Variants in ZMYM1 observed in about 807,000 individuals in gnomAD.
ZMYM1 encodes the protein zinc finger MYM-type protein 1.
ZMYM1 carries 39 observed loss-of-function variants against 60.0 expected under a neutral mutation model. The ratio of observed to expected loss-of-function variants is 0.65; its 90% CI spans 0.50 to 0.85. ZMYM1 has a LOEUF of 0.85. ZMYM1 is among the 40% of genes least tolerant of loss of function. The pLI is 0.00. For synonymous variants in ZMYM1, 413 were observed against 454.0 expected (o/e 0.91, Z 1.15); for missense variants, 1,171 against 1,309.5 (o/e 0.89, Z 1.63).
chr1:35,091,298 C>A (rs1334807821), intron 1 of ZMYM1, among the ~76,000 whole-genome samples: 1 of 151,684 alleles, frequency 6.6e-6, no homozygotes. Context: ...CTGCAAGCTC[C>A]GTCTCCCGGG....
downstream of ZMYM1, among the ~76,000 whole-genome samples, chr1:35,116,274 T>G (rs1644247951): frequency 6.6e-6 from 1 of 152,132 alleles, no homozygotes; most frequent in South Asian, 2.1e-4. Flanking sequence ...TATCTGTTTA[T>G]TTGTTTGAGC....
chr1:35,064,529 A>T (rs999599124), intron 1 of ZMYM1, among the ~76,000 whole-genome samples: 2 of 151,956 alleles, frequency 1.3e-5, no homozygotes, highest in Non-Finnish European at 2.9e-5. Context: ...AGGAACATTT[A>T]CCGAAATAGA....
intron 1 of ZMYM1, among the ~76,000 whole-genome samples, chr1:35,081,027 T>A (rs1215451059): frequency 6.6e-6 from 1 of 151,942 alleles, no homozygotes; most frequent in Non-Finnish European, 1.5e-5. Context: ...CACTGCAACC[T>A]CCACCTCCAG....
chr1:35,096,208 AG>A (rs1643307199), intron 3 of ZMYM1, among the ~76,000 whole-genome samples: 1 of 151,856 alleles, frequency 6.6e-6, no homozygotes, highest in Admixed American at 6.6e-5. Context: ...GCTACTCAGG[AG>A]GCTGAGGCAG....
intron 4 of ZMYM1, among the ~76,000 whole-genome samples, chr1:35,099,464 A>T (rs1643521242): frequency 1.3e-5 from 2 of 152,176 alleles, no homozygotes; most frequent in Admixed American, 1.3e-4. Flanking sequence ...TCTCCTAGGC[A>T]TGGAAATCCA....
intron 1 of ZMYM1, among the ~76,000 whole-genome samples, chr1:35,073,365 G>GGAAGGAAGGAAGGAAGGAAGGAAA (rs1557626645): frequency 6.2e-5 from 9 of 145,906 alleles, no homozygotes; most frequent in African/African-American, 2.3e-4. Flanking sequence ...AAGGAAGGAA[G>GGAAGGAAGGAAGGAAGGAAGGAAA]GAAGGAAGGA....
chr1:35,080,304 A>G (rs533010296), intron 1 of ZMYM1, among the ~76,000 whole-genome samples: 1 of 137,368 alleles, frequency 7.3e-6, no homozygotes, highest in Admixed American at 7.3e-5. Flanking sequence ...GTTCCCATAT[A>G]TTTGTGCTTC....
intron 7 of ZMYM1, among the ~76,000 whole-genome samples, chr1:35,111,379 C>T (rs540079951): frequency 3.9e-5 from 6 of 152,116 alleles, no homozygotes; most frequent in Admixed American, 1.3e-4. Flanking sequence ...ACCAACCTAG[C>T]GCTCCATTGA....
At chr1:35,086,624 A>T (rs1642668310) in intron 1 of ZMYM1, among the ~76,000 whole-genome samples, 1 of 151,938 alleles carries the variant, frequency 6.6e-6, no homozygotes, top group South Asian at 2.1e-4. Context: ...TCCTTTCATT[A>T]TTGTAACTGC....
intron 3 of ZMYM1, among the ~76,000 whole-genome samples, chr1:35,096,873 T>C (rs1643361783): frequency 6.6e-6 from 1 of 152,174 alleles, no homozygotes; most frequent in South Asian, 2.1e-4. Context: ...CTAATTTTTA[T>C]AGTAGAGACG....
Position 35,112,128 on chromosome 1 carries a change from G to A in ZMYM1, c.1144G>A (p.Asp382Asn). Residue 382 changes from aspartate (D) to asparagine (N), a missense_variant and splice_region_variant, in exon 9 of 10, where the codon GAT (aspartate) becomes AAT (asparagine). Coordinates refer to ENST00000359858, the MANE Select transcript of ZMYM1 (RefSeq NM_024772.5). ...AACAGCAACAGCAGATGTCATTGTG[G>A]ATGTAAGTTTTAACTTTTTTTACCA... ...SVTATADVIVDLSKSSPSEPS... is the reference protein window; with the variant it reads ...SVTATADVIVNLSKSSPSEPS... 6.2e-7 allele frequency: 1 copy of A among 1,613,118 alleles called. No individual in the cohort carries two copies. Among genetic ancestry groups the A allele is most frequent in the Non-Finnish European group, 8.5e-7 (1 of 1,179,588 alleles).
At position 35,113,184 on chromosome 1, in the gene ZMYM1, A is replaced by T. The variant is rs1426599312; in HGVS notation, c.1354A>T (p.Lys452Ter). ...CTSKVQKVKG[K>*]SRSIKKSCCA... ...ATCCAAAGTACAAAAAGTTAAAGGT[A>T]AATCACGAAGTATTAAAAAATCTTG... Residue 452 changes from lysine (K) to a stop codon, truncating the protein, a stop_gained, in exon 10 of 10, where the codon AAA becomes TAA. Coordinates refer to ENST00000359858, the MANE Select transcript of ZMYM1 (RefSeq NM_024772.5). LOFTEE classifies it low-confidence loss of function (END_TRUNC). 6.2e-7 allele frequency: 1 copy of T among 1,613,686 alleles called. No homozygotes were observed. The highest frequency in any genetic ancestry group is 8.5e-7 in the Non-Finnish European group (1 of 1,179,728).
intron 8 of ZMYM1, 83 bp from the exon 9 acceptor site, chr1:35,112,004 T>C: frequency 1.9e-6 from 3 of 1,551,008 alleles, no homozygotes; most frequent in South Asian, 1.2e-5. Flanking sequence ...TTGTTTCTTA[T>C]ATGAAATAAG....
intron 4 of ZMYM1, among the ~76,000 whole-genome samples, chr1:35,102,624 T>A (rs747786833): frequency 1.3e-5 from 2 of 152,242 alleles, no homozygotes; most frequent in Non-Finnish European, 2.9e-5. Context: ...CTCATTTTTT[T>A]CATTTTCAAG....
At chr1:35,112,193 G>T in intron 9 of ZMYM1, 63 bp downstream of exon 9, 1 of 1,553,620 alleles carries the variant, frequency 6.4e-7, no homozygotes, top group South Asian at 1.1e-5. Context: ...TGTTGTTGTT[G>T]TTGAGACAGA....
At chr1:35,073,209 C>T (rs556487064) in intron 1 of ZMYM1, among the ~76,000 whole-genome samples, 75 of 125,684 alleles carry the variant, frequency 6.0e-4, no homozygotes, top group African/African-American at 2.2e-3. Flanking sequence ...GCTGAGATCA[C>T]GTCACTGCAC....
At chr1:35,090,422 C>G (rs1642933963) in intron 1 of ZMYM1, among the ~76,000 whole-genome samples, 1 of 152,114 alleles carries the variant, frequency 6.6e-6, no homozygotes, top group Non-Finnish European at 1.5e-5. Flanking sequence ...GCATTAGAAG[C>G]TATACCTAAT....
chr1:35,070,296 C>G (rs1328623620), intron 1 of ZMYM1, among the ~76,000 whole-genome samples: 2 of 152,020 alleles, frequency 1.3e-5, no homozygotes, highest in African/African-American at 4.8e-5. Flanking sequence ...ATGTAGAGAT[C>G]TTTCACCACC....
chr1:35,115,429 CT>C lies in ZMYM1; in HGVS notation c.*171del. 1.4e-6 allele frequency: 1 copy of C among 713,418 alleles called. No homozygotes were observed. The highest frequency in any genetic ancestry group is 2.2e-6 in the Non-Finnish European group (1 of 464,594). The allele number at this position is 713,418 out of a possible 1,614,324, so 44.2% of individuals were successfully genotyped here. A position where few individuals can be genotyped will look rare whatever the true frequency, so the allele number is the denominator to read the frequency against. Reference sequence around the variant, plus strand: ...AGTGTTATCTTTTCCTTAAATATCCCTCTAGAGGTATTTTTCCTAAGTGGTA... The same window carrying C: ...AGTGTTATCTTTTCCTTAAATATCCCCTAGAGGTATTTTTCCTAAGTGGTA... On this transcript the variant is annotated 3_prime_UTR_variant, in exon 10 of 10. Coordinates refer to ENST00000359858, the MANE Select transcript of ZMYM1 (RefSeq NM_024772.5).
Sources: allele counts gnomAD v4.1 joint callset (sites outside exome capture counted in the v4.1 genomes callset), GRCh38; gene constraint gnomAD v4.1.1; transcripts MANE v1.5; gene names NCBI Gene and HGNC (gene_info 2026-07-23, HGNC 2026-07-21).